ARFGEF1: variants seen among roughly 807,000 people sequenced by gnomAD.
ARFGEF1 encodes the protein ARF guanine nucleotide exchange factor 1.
In ARFGEF1, 42 loss-of-function variants were observed where a neutral mutation model predicts 231.0. That is an observed-to-expected ratio of 0.18 (90% CI 0.14 to 0.24). ARFGEF1 has a LOEUF of 0.24. ARFGEF1 is among the 10% of genes least tolerant of loss of function. The pLI, the probability that ARFGEF1 is intolerant of heterozygous loss-of-function variation, is 1.00. For missense variants in ARFGEF1, 1,345 were observed against 2,192.0 expected (o/e 0.61, Z 7.72); for synonymous variants, 710 against 732.3 (o/e 0.97, Z 0.49).
At position 67,198,783 on chromosome 8, in the gene ARFGEF1, G is replaced by A. The variant is rs1164630892; in HGVS notation, c.*151C>T. ...CACCAGCACTAAAAGGGACTGGAGT[G>A]TTGCAAGTTTGAGTAAGACTTCTAA... is the stretch of plus-strand genomic sequence containing the variant. On this transcript the variant is annotated 3_prime_UTR_variant, in exon 39 of 39. Transcript: ENST00000262215. The A allele has an allele frequency of 4.9e-6, 7 of 1,436,204 alleles. No homozygotes were observed. In the East Asian group the frequency reaches 1.8e-4, roughly 37 times the overall value. The allele number at this position is 1,436,204 out of a possible 1,614,324, so 89.0% of individuals were successfully genotyped here. A position where few individuals can be genotyped will look rare whatever the true frequency, so the allele number is the denominator to read the frequency against.
intron 9 of ARFGEF1, among the ~76,000 whole-genome samples, chr8:67,274,027 A>C (rs186981470): frequency 6.6e-6 from 1 of 152,320 alleles, no homozygotes; most frequent in Non-Finnish European, 1.5e-5. Flanking sequence ...TACATGCTAA[A>C]AAAAATTAAT....
At position 67,276,458 on chromosome 8, in the gene ARFGEF1, CTG is replaced by C. The variant is rs796436986; in HGVS notation, c.1204-351_1204-350del. 2.2e-3 allele frequency among the ~76,000 whole-genome samples: 341 copies of C among 152,182 alleles called. 1 individual carries two copies. Among genetic ancestry groups the C allele is most frequent in the African/African-American group, 8.0e-3 (333 of 41,538 alleles). ...TATACTCCCTACTACCTGTCACTGA[CTG>C]TTTTATTTTATGCTTTTATCCTATT... On this transcript the variant is annotated intron_variant, in intron 8 of 38. Coordinates refer to ENST00000262215, the MANE Select transcript of ARFGEF1 (RefSeq NM_006421.5).
rs1288100333 is a variant in ARFGEF1 at position 67,228,081 on chromosome 8, G to A, written c.3473C>T (p.Thr1158Met). Residue 1158 changes from threonine (T) to methionine (M), a missense_variant, in exon 25 of 39, where the codon ACG (threonine) becomes ATG (methionine). Physicochemically the swap from Thr to Met is moderately conservative, Grantham distance 81. Coordinates refer to ENST00000262215, the MANE Select transcript of ARFGEF1 (RefSeq NM_006421.5). ...TAGACTAAACATTCTTGGGTGTGTC[G>A]TGGAAAGTAATTCATCCATAGACAC... ...CAVSMDELLSTTHPRMFSLQK... is the reference protein window; with the variant it reads ...CAVSMDELLSMTHPRMFSLQK... 10 of 1,609,634 alleles carry A rather than the reference G, an allele frequency of 6.2e-6. No homozygotes were observed. Among genetic ancestry groups the A allele is most frequent in the South Asian group, 1.1e-5 (1 of 90,114 alleles).
intron 19 of ARFGEF1, among the ~76,000 whole-genome samples, chr8:67,250,218 G>T (rs975421846): frequency 2.6e-5 from 4 of 152,156 alleles, no homozygotes; most frequent in African/African-American, 9.7e-5. Flanking sequence ...ATTTCATTTG[G>T]TATTTTAAAA....
chr8:67,343,604 T>C lies in ARFGEF1; in HGVS notation c.-317A>G. Reference sequence around the variant, plus strand: ...CTCGTCCCTCCGGCCCTGGTGGCGGTGAGGGAGCCCGGCCCGGGCGGCTGT... The same window carrying C: ...CTCGTCCCTCCGGCCCTGGTGGCGGCGAGGGAGCCCGGCCCGGGCGGCTGT... On this transcript the variant is annotated 5_prime_UTR_variant, in exon 1 of 39. Coordinates refer to ENST00000262215, the MANE Select transcript of ARFGEF1 (RefSeq NM_006421.5). The C allele has an allele frequency of 9.6e-7, 1 of 1,045,292 alleles. No individual in the cohort carries two copies. The highest frequency in any genetic ancestry group is 1.1e-6 in the Non-Finnish European group (1 of 870,186). The allele number at this position is 1,045,292 out of a possible 1,614,324, so 64.8% of individuals were successfully genotyped here.
At chr8:67,211,195 T>G (rs1464589837) in intron 34 of ARFGEF1, among the ~76,000 whole-genome samples, 2 of 150,770 alleles carry the variant, frequency 1.3e-5, no homozygotes, top group Admixed American at 6.6e-5. Flanking sequence ...AATACAAAAA[T>G]TAGCCGGGCA....
chr8:67,185,752 TGA>T (rs1834396981), intron 5 of ARFGEF1, among the ~76,000 whole-genome samples: 1 of 151,742 alleles, frequency 6.6e-6, no homozygotes, highest in Non-Finnish European at 1.5e-5. Context: ...ATGATGATGA[TGA>T]GTTTGATGAT....
chr8:67,208,640 AAAAAAAAACCAAC>A (rs1422814033), intron 34 of ARFGEF1, among the ~76,000 whole-genome samples: 6 of 151,502 alleles, frequency 4.0e-5, no homozygotes, highest in African/African-American at 1.5e-4. Context: ...AAAAAAAAAA[AAAAAAAAACCAAC>A]AAAAAAAACA....
chr8:67,253,152 TATA>T (rs1327974062), intron 18 of ARFGEF1, among the ~76,000 whole-genome samples: 1 of 152,244 alleles, frequency 6.6e-6, no homozygotes, highest in Non-Finnish European at 1.5e-5. Context: ...CAAACTCTAT[TATA>T]ATATTTCTCA....
intron 8 of ARFGEF1, 94 bp downstream of exon 8, chr8:67,277,188 T>A: frequency 1.6e-6 from 2 of 1,233,472 alleles, no homozygotes; most frequent in Non-Finnish European, 2.3e-6. Context: ...TCAGGCAGCA[T>A]CATCAGCTGA....
Position 67,248,128 on chromosome 8 carries a change from G to GA in ARFGEF1, c.2850+3170dup, listed in dbSNP as rs1012192159. Reference sequence around the variant, plus strand: ...TACCATGACATTCTTCAGAGAAATAGAAAAAAAAAATCCTACAATTTATAT... The same window carrying GA: ...TACCATGACATTCTTCAGAGAAATAGAAAAAAAAAAATCCTACAATTTATAT... On this transcript the variant is annotated intron_variant, in intron 19 of 38. Transcript: ENST00000262215. Among the ~76,000 whole-genome samples, 45 of 144,306 alleles carry GA rather than the reference G, an allele frequency of 3.1e-4. 2 individuals carry two copies. The highest frequency in any genetic ancestry group is 1.1e-3 in the Admixed American group (16 of 14,508). 94.7% of individuals were successfully genotyped at this position (144,306 alleles called of 152,430 possible).
chr8:67,231,549 G>C (rs1839554344), intron 23 of ARFGEF1, among the ~76,000 whole-genome samples: 1 of 152,044 alleles, frequency 6.6e-6, no homozygotes, highest in Admixed American at 6.6e-5. Flanking sequence ...TATAAAAGCA[G>C]AAACAGTAGG....
intron 22 of ARFGEF1, among the ~76,000 whole-genome samples, chr8:67,236,349 T>TA (rs1554638965): frequency 0.012 from 170 of 13,926 alleles, 31 homozygotes; most frequent in Non-Finnish European, 0.014. Context: ...AGATATTAGT[T>TA]AAAAAAAAAA....
At chr8:67,327,039 A>G (rs1807865331) in intron 1 of ARFGEF1, among the ~76,000 whole-genome samples, 1 of 152,212 alleles carries the variant, frequency 6.6e-6, no homozygotes, top group African/African-American at 2.4e-5. Context: ...TCCAAGCAAT[A>G]TCAAAAACAT....
At position 67,275,773 on chromosome 8, in the gene ARFGEF1, G is replaced by T. The variant is rs151100820; in HGVS notation, c.1337+203C>A. 6.0e-4 allele frequency among the ~76,000 whole-genome samples: 91 copies of T among 151,934 alleles called. 1 individual carries two copies. In the East Asian group the frequency reaches 0.015, roughly 25 times the overall value. On this transcript the variant is annotated intron_variant, in intron 9 of 38. Coordinates refer to ENST00000262215, the MANE Select transcript of ARFGEF1 (RefSeq NM_006421.5). ...ATAGTATAAGTCACATACCCTTTAG[G>T]AAATAGTGTAAGTTATCTACTCCAG...
chr8:67,341,853 C>G (rs1808644514), intron 1 of ARFGEF1, among the ~76,000 whole-genome samples: 4 of 151,946 alleles, frequency 2.6e-5, no homozygotes. Flanking sequence ...AACTTCTGGT[C>G]GATAAGTAAG....
chr8:67,195,668 A>G (rs925310954), downstream of ARFGEF1: 1 of 1,314,122 alleles, frequency 7.6e-7, no homozygotes, highest in Non-Finnish European at 1.1e-6. Context: ...AATATGTCCT[A>G]CTTTTGGCCC....
intron 37 of ARFGEF1, among the ~76,000 whole-genome samples, chr8:67,201,149 C>T (rs1307327146): frequency 6.6e-6 from 1 of 152,154 alleles, no homozygotes; most frequent in Non-Finnish European, 1.5e-5. Context: ...TAAATGCAGG[C>T]AGGCAAGTTT....
In ARFGEF1 at chr8:67,296,617, G is replaced by GA. The variant is rs745859724; in HGVS notation, c.460-8dup. 9.6e-4 allele frequency: 1,390 copies of GA among 1,447,022 alleles called. No homozygotes were observed. Among genetic ancestry groups the GA allele is most frequent in the South Asian group, 1.7e-3 (123 of 74,138 alleles). 89.6% of individuals were successfully genotyped at this position (1,447,022 alleles called of 1,614,324 possible). On this transcript the variant is annotated splice_polypyrimidine_tract_variant and splice_region_variant and intron_variant, in intron 4 of 38. Transcript: ENST00000262215. ...TTACTGCAGTAAGTAAAGCCTTTAAGAAAAAAAAAGGAAAAAGTTAAAGAG... is the reference window on the plus strand; with the variant it reads ...TTACTGCAGTAAGTAAAGCCTTTAAGAAAAAAAAAAGGAAAAAGTTAAAGAG...
Sources: gnomAD v4.1 joint callset for allele counts (sites outside exome capture counted in the v4.1 genomes callset) on GRCh38, gnomAD v4.1.1 for gene constraint, MANE v1.5 for transcripts, NCBI Gene and HGNC (gene_info 2026-07-23, HGNC 2026-07-21) for gene names.